Variants in PLXNC1 observed in about 807,000 individuals in gnomAD.
PLXNC1 encodes the protein plexin C1.
A neutral mutation model predicts 178.2 loss-of-function variants in PLXNC1; 75 were observed. The ratio of observed to expected loss-of-function variants is 0.42; its 90% CI spans 0.35 to 0.51. PLXNC1 has a LOEUF of 0.51. Among genes scored for constraint, PLXNC1 ranks in the 20% least tolerant of loss-of-function variants. The pLI is 0.02. For missense variants in PLXNC1, 1,503 were observed against 1,984.4 expected, an observed-to-expected ratio of 0.76 and a Z score of 4.61; for synonymous variants, 790 against 779.9, an observed-to-expected ratio of 1.01 and a Z score of -0.22.
intron 15 of PLXNC1, among the ~76,000 whole-genome samples, chr12:94,254,288 C>T (rs1029662957): frequency 6.6e-6 from 1 of 152,196 alleles, no homozygotes; most frequent in Non-Finnish European, 1.5e-5. Context: ...CCTTGTGGCT[C>T]GCTCATCATG....
At chr12:94,263,694 T>G (rs1001581808) in intron 20 of PLXNC1, among the ~76,000 whole-genome samples, 13 of 152,036 alleles carry the variant, frequency 8.6e-5, no homozygotes, top group Non-Finnish European at 1.6e-4. Context: ...AAGTTTCTCA[T>G]GAGAATTAAA....
intron 2 of PLXNC1, among the ~76,000 whole-genome samples, chr12:94,174,974 C>T (rs544512318): frequency 1.3e-5 from 2 of 152,348 alleles, no homozygotes; most frequent in African/African-American, 4.8e-5. Flanking sequence ...TCTCTTACTA[C>T]CTACACTGCA....
intron 28 of PLXNC1, among the ~76,000 whole-genome samples, chr12:94,303,380 G>A (rs1416049761): frequency 6.6e-6 from 1 of 152,214 alleles, no homozygotes; most frequent in Admixed American, 6.5e-5. Flanking sequence ...TGGTGGGTGA[G>A]GATGAGAGCA....
intron 2 of PLXNC1, among the ~76,000 whole-genome samples, chr12:94,176,044 G>C (rs1962037606): frequency 6.6e-6 from 1 of 152,142 alleles, no homozygotes; most frequent in Admixed American, 6.5e-5. Flanking sequence ...CTTCAGATTA[G>C]ATCTATATTA....
intron 21 of PLXNC1, among the ~76,000 whole-genome samples, chr12:94,276,151 T>C (rs931038057): frequency 6.6e-6 from 1 of 152,210 alleles, no homozygotes; most frequent in African/African-American, 2.4e-5. Context: ...TAGGTAGTAA[T>C]AGAATGCTGT....
chr12:94,185,983 AGTG>A (rs1158074413), intron 3 of PLXNC1: 1 of 183,248 alleles, frequency 5.5e-6, no homozygotes, highest in Admixed American at 5.4e-5. Flanking sequence ...GGCCAGACAC[AGTG>A]GTGCACGCCT....
intron 1 of PLXNC1, among the ~76,000 whole-genome samples, chr12:94,168,939 A>G (rs1025579458): frequency 1.1e-4 from 17 of 148,098 alleles, no homozygotes; most frequent in African/African-American, 3.9e-4. Flanking sequence ...CTGTTCATAC[A>G]TAGTAAACAG....
At chr12:94,275,482 C>G (rs1218778690) in intron 21 of PLXNC1, among the ~76,000 whole-genome samples, 1 of 152,132 alleles carries the variant, frequency 6.6e-6, no homozygotes, top group Non-Finnish European at 1.5e-5. Flanking sequence ...AGCAGAGGCC[C>G]GCGTGCACTT....
chr12:94,186,344 A>G (rs753301035), intron 3 of PLXNC1, 29 bp from the exon 4 acceptor site: 7 of 1,496,026 alleles, frequency 4.7e-6, no homozygotes, highest in Non-Finnish European at 6.5e-6. Flanking sequence ...TTATAATTCC[A>G]TCTGAACCAT....
At chr12:94,222,674 T>A (rs370270718) in intron 6 of PLXNC1, among the ~76,000 whole-genome samples, 63 of 152,360 alleles carry the variant, frequency 4.1e-4, no homozygotes, top group African/African-American at 1.4e-3. Flanking sequence ...AATATTCATT[T>A]CCTTGTGATA....
intron 6 of PLXNC1, among the ~76,000 whole-genome samples, chr12:94,223,272 C>A (rs1262868008): frequency 6.6e-6 from 1 of 152,146 alleles, no homozygotes; most frequent in South Asian, 2.1e-4. Context: ...AATAAACAAA[C>A]AAATAAATAG....
In PLXNC1 at chr12:94,298,193, T is replaced by C. The variant is rs184267683; in HGVS notation, c.4075-439T>C. Among the ~76,000 whole-genome samples the C allele has an allele frequency of 2.6e-5, 4 of 152,370 alleles. No individual in the cohort carries two copies. The East Asian group carries it at 7.7e-4, about 29-fold the overall frequency. On this transcript the variant is annotated intron_variant, in intron 26 of 30. Coordinates refer to ENST00000258526, the MANE Select transcript of PLXNC1 (RefSeq NM_005761.3). ...GCTTTTGTGAAATACTCAAATGCTT[T>C]GGAAAGTACACAATAAAACTTTATG... is the stretch of plus-strand genomic sequence containing the variant.
chr12:94,277,435 C>T (rs1373272984), intron 21 of PLXNC1, among the ~76,000 whole-genome samples: 1 of 152,224 alleles, frequency 6.6e-6, no homozygotes, highest in Non-Finnish European at 1.5e-5. Flanking sequence ...AGAAGCCCCA[C>T]ATCCACGTCA....
intron 14 of PLXNC1, among the ~76,000 whole-genome samples, chr12:94,250,057 G>T (rs1386302729): frequency 6.6e-6 from 1 of 152,102 alleles, no homozygotes; most frequent in African/African-American, 2.4e-5. Flanking sequence ...CAAGCCATGG[G>T]CTATCTGGGG....
At chr12:94,298,559 C>A in intron 26 of PLXNC1, 73 bp from the exon 27 acceptor site, 1 of 1,194,230 alleles carries the variant, frequency 8.4e-7, no homozygotes, top group Non-Finnish European at 1.2e-6. Context: ...TGTGGATTTG[C>A]TTTTGCTATT....
At chr12:94,285,172 G>A (rs1966757531) in intron 23 of PLXNC1, among the ~76,000 whole-genome samples, 1 of 152,204 alleles carries the variant, frequency 6.6e-6, no homozygotes, top group African/African-American at 2.4e-5. Context: ...AAGACAGGAG[G>A]AGGAGCAGCT....
chr12:94,186,317 A>T (rs1226387996), intron 3 of PLXNC1, 56 bp from the exon 4 acceptor site: 1 of 1,249,328 alleles, frequency 8.0e-7, no homozygotes, highest in Non-Finnish European at 1.2e-6. Context: ...AAGGTGTTGT[A>T]GTTTTCCTGC....
At chr12:94,164,684 CACACACACACACACACACACACGT>C (rs1334540321) in intron 1 of PLXNC1, among the ~76,000 whole-genome samples, 11 of 151,396 alleles carry the variant, frequency 7.3e-5, no homozygotes, top group African/African-American at 1.5e-4. Context: ...CACACACACA[CACACACACACACACACACACACGT>C]ACACACACAA....
At chr12:94,218,912 A>G (rs1963716502) in intron 5 of PLXNC1, among the ~76,000 whole-genome samples, 1 of 152,230 alleles carries the variant, frequency 6.6e-6, no homozygotes, top group Non-Finnish European at 1.5e-5. Flanking sequence ...GTATCTTCAC[A>G]CCTAGGATCA....
Sources: allele counts gnomAD v4.1 joint callset (sites outside exome capture counted in the v4.1 genomes callset), GRCh38; gene constraint gnomAD v4.1.1; transcripts MANE v1.5; gene names NCBI Gene and HGNC (gene_info 2026-07-23, HGNC 2026-07-21).